NLGN4Y: variants seen among roughly 807,000 people sequenced by gnomAD.
The protein encoded by NLGN4Y is neuroligin-4, Y-linked.
NLGN4Y carries 4 observed loss-of-function variants against 8.4 expected under a neutral mutation model. The observed-to-expected ratio is 0.48, with a 90% CI of 0.23 to 1.09. The LOEUF is 1.09. Among genes scored for constraint, NLGN4Y ranks in the 50% least tolerant of loss-of-function variants. The probability of loss-of-function intolerance (pLI) is 0.19; values close to 1 mark genes in which losing one functional copy is unlikely to be tolerated. For synonymous variants in NLGN4Y, 35 were observed against 75.6 expected (o/e 0.46, Z 2.78); for missense variants, 90 against 192.3 (o/e 0.47, Z 3.15).
At chrY:14,762,963 A>T in intron 4 of NLGN4Y, among the ~76,000 whole-genome samples, 1 of 33,958 alleles carries the variant, frequency 2.9e-5, no homozygotes, top group East Asian at 7.8e-4. Flanking sequence ...CAGAATGTGA[A>T]GCATGAGGAA....
upstream of NLGN4Y, chrY:14,523,404 T>C (rs2080079875): frequency 3.9e-5 from 2 of 51,310 alleles, no homozygotes; most frequent in Admixed American, 3.9e-4. Flanking sequence ...GGGAAAAATA[T>C]ATATATATAT....
At chrY:14,816,372 T>A in intron 4 of NLGN4Y, among the ~76,000 whole-genome samples, 1 of 33,799 alleles carries the variant, frequency 3.0e-5, no homozygotes, top group Non-Finnish European at 7.3e-5. Flanking sequence ...TTCTCCTTCA[T>A]CTTTTTAATG....
At chrY:14,809,909 A>T (rs2043071985) in intron 4 of NLGN4Y, among the ~76,000 whole-genome samples, 1 of 33,778 alleles carries the variant, frequency 3.0e-5, no homozygotes, top group African/African-American at 1.2e-4. Flanking sequence ...GGTTATTTTT[A>T]TGCATCAGAA....
Position 14,588,924 on chromosome Y carries a change from A to T in NLGN4Y, c.-111-33085A>T, listed in dbSNP as rs1603500537. On this transcript the variant is annotated intron_variant, in intron 1 of 6. Coordinates refer to ENST00000684976, the MANE Select transcript of NLGN4Y (RefSeq NM_001365588.1). ...GATAGTGCATCTGGAGTTGTTCATTACTCCTGGTGGGCTCGTGGTCTTGCT... is the reference window on the plus strand; with the variant it reads ...GATAGTGCATCTGGAGTTGTTCATTTCTCCTGGTGGGCTCGTGGTCTTGCT... Among the ~76,000 whole-genome samples the T allele has an allele frequency of 9.7e-5, 3 of 30,856 alleles. No individual in the cohort carries two copies. In the South Asian group the frequency reaches 2.4e-3, roughly 25 times the overall value. 82.8% of individuals were successfully genotyped at this position (30,856 alleles called of 37,273 possible).
At chrY:14,730,110 TA>T (rs1218795405) in intron 4 of NLGN4Y, among the ~76,000 whole-genome samples, 4 of 32,483 alleles carry the variant, frequency 1.2e-4, no homozygotes, top group Non-Finnish European at 3.0e-4. Flanking sequence ...TTATTTTTCA[TA>T]AAAAAAAATG....
At chrY:14,589,820 G>A (rs950883385) in intron 1 of NLGN4Y, among the ~76,000 whole-genome samples, 7 of 34,513 alleles carry the variant, frequency 2.0e-4, no homozygotes, top group African/African-American at 4.5e-4. Flanking sequence ...GGGACTAGGC[G>A]CTGTGGAGCA....
intron 1 of NLGN4Y, among the ~76,000 whole-genome samples, chrY:14,575,704 C>T: frequency 3.0e-5 from 1 of 33,285 alleles, no homozygotes; most frequent in Non-Finnish European, 7.4e-5. Flanking sequence ...CGGTTTTTTT[C>T]CCCATCTTTG....
chrY:14,630,784 G>A, intron 2 of NLGN4Y, among the ~76,000 whole-genome samples: 1 of 33,124 alleles, frequency 3.0e-5, no homozygotes, highest in South Asian at 6.8e-4. Flanking sequence ...GAATGTCGAG[G>A]AGACAATACA....
intron 4 of NLGN4Y, among the ~76,000 whole-genome samples, chrY:14,813,095 T>A (rs2043088824): frequency 3.1e-5 from 1 of 32,039 alleles, no homozygotes; most frequent in Non-Finnish European, 7.5e-5. Flanking sequence ...CAGGTACTGA[T>A]GAATAAAGAA....
intron 4 of NLGN4Y, among the ~76,000 whole-genome samples, chrY:14,760,874 C>T (rs1038288008): frequency 3.0e-5 from 1 of 33,559 alleles, no homozygotes; most frequent in Non-Finnish European, 7.4e-5. Flanking sequence ...ACAAATTAAT[C>T]TACAGACTCA....
chrY:14,799,524 TTTTTCTTGATTTATTA>T (rs2043023435), intron 4 of NLGN4Y, among the ~76,000 whole-genome samples: 1 of 33,630 alleles, frequency 3.0e-5, no homozygotes, highest in African/African-American at 1.2e-4. Flanking sequence ...AGCATAAATC[TTTTTCTTGATTTATTA>T]GTATTTTTCC....
intron 2 of NLGN4Y, among the ~76,000 whole-genome samples, chrY:14,696,623 A>G: frequency 9.2e-5 from 3 of 32,450 alleles, no homozygotes; most frequent in Non-Finnish European, 2.3e-4. Flanking sequence ...TGATCATTTT[A>G]TCTCTAAGGA....
chrY:14,695,189 C>A (rs895219787), intron 2 of NLGN4Y, among the ~76,000 whole-genome samples: 1 of 33,840 alleles, frequency 3.0e-5, no homozygotes, highest in African/African-American at 1.2e-4. Context: ...TACTTCTGAA[C>A]TATGTCATAA....
intron 4 of NLGN4Y, among the ~76,000 whole-genome samples, chrY:14,778,472 G>C: frequency 2.9e-5 from 1 of 33,960 alleles, no homozygotes; most frequent in Non-Finnish European, 7.3e-5. Flanking sequence ...GCATAATGCT[G>C]TGCTGAAATA....
rs769345717 is a variant in NLGN4Y, at chrY:14,559,827, G to A, written c.-112+35119G>A. On this transcript the variant is annotated intron_variant, in intron 1 of 6. Coordinates refer to ENST00000684976, the MANE Select transcript of NLGN4Y (RefSeq NM_001365588.1). ...CATTCTAATTTGCACTTTTGGTACA[G>A]GATTCAATAAATTACATGAGATGCT... Among the ~76,000 whole-genome samples, 92 of 33,316 alleles carry A rather than the reference G, an allele frequency of 2.8e-3. No homozygotes were observed. The East Asian group carries it at 0.068, about 25-fold the overall frequency. 89.4% of individuals were successfully genotyped at this position (33,316 alleles called of 37,273 possible). A position where few individuals can be genotyped will look rare whatever the true frequency, so the allele number is the denominator to read the frequency against.
intron 4 of NLGN4Y, among the ~76,000 whole-genome samples, chrY:14,793,143 C>A: frequency 3.0e-5 from 1 of 33,082 alleles, no homozygotes; most frequent in African/African-American, 1.2e-4. Flanking sequence ...ACAAATAATT[C>A]TTTGAAAGGC....
At chrY:14,680,369 G>A (rs2080764361) in intron 2 of NLGN4Y, among the ~76,000 whole-genome samples, 1 of 33,224 alleles carries the variant, frequency 3.0e-5, no homozygotes, top group Non-Finnish European at 7.4e-5. Flanking sequence ...TATGGATCTT[G>A]TTTGAAACTT....
intron 1 of NLGN4Y, among the ~76,000 whole-genome samples, chrY:14,548,732 C>A: frequency 3.0e-5 from 1 of 32,883 alleles, no homozygotes; most frequent in African/African-American, 1.2e-4. Context: ...CTCCATAGGC[C>A]CTGACTTGTT....
At chrY:14,613,684 T>G (rs767603809) in intron 1 of NLGN4Y, among the ~76,000 whole-genome samples, 1 of 33,548 alleles carries the variant, frequency 3.0e-5, no homozygotes, top group East Asian at 7.9e-4. Context: ...TGAGAACATG[T>G]GGTGTTTGGT....
Sources: allele counts gnomAD v4.1 joint callset (sites outside exome capture counted in the v4.1 genomes callset), GRCh38; gene constraint gnomAD v4.1.1; transcripts MANE v1.5; gene names NCBI Gene and HGNC (gene_info 2026-07-23, HGNC 2026-07-21).